Variants in RHAG observed in about 807,000 individuals in gnomAD.
RHAG encodes the protein ammonium transporter Rh type A.
In RHAG, 25 loss-of-function variants were observed where a neutral mutation model predicts 42.4. That is an observed-to-expected ratio of 0.59 (90% CI 0.43 to 0.82). The LOEUF (loss-of-function observed/expected upper bound fraction) is 0.82, where lower values mean the gene tolerates loss of function less well. Among genes scored for constraint, RHAG ranks in the 40% least tolerant of loss-of-function variants. RHAG has a pLI of 0.00. For missense variants in RHAG, 483 were observed against 504.6 expected (o/e 0.96, Z 0.41); for synonymous variants, 182 against 177.7 (o/e 1.02, Z -0.19).
intron 1 of RHAG, among the ~76,000 whole-genome samples, chr6:49,635,492 A>C (rs1201348572): frequency 6.6e-6 from 1 of 152,160 alleles, no homozygotes; most frequent in East Asian, 1.9e-4. Context: ...TGAATGAATG[A>C]AATGTACAAA....
intron 1 of RHAG, among the ~76,000 whole-genome samples, chr6:49,627,694 G>A (rs757306099): frequency 7.2e-5 from 11 of 152,166 alleles, no homozygotes; most frequent in Non-Finnish European, 1.5e-4. Context: ...CCACATGGCT[G>A]GGGAGGCCTC....
intron 2 of RHAG, 103 bp from the exon 3 acceptor site, chr6:49,618,321 C>A: frequency 8.2e-7 from 1 of 1,224,740 alleles, no homozygotes; most frequent in Non-Finnish European, 1.2e-6. Context: ...GCTTCCCAGG[C>A]TTACTCATCA....
chr6:49,624,755 GT>G (rs879474178), intron 1 of RHAG, among the ~76,000 whole-genome samples: 1 of 152,184 alleles, frequency 6.6e-6, no homozygotes, highest in Non-Finnish European at 1.5e-5. Context: ...CATGTAAACT[GT>G]GGTGTACATC....
At chr6:49,613,042 A>G (rs1404011974) in intron 5 of RHAG, among the ~76,000 whole-genome samples, 1 of 151,674 alleles carries the variant, frequency 6.6e-6, no homozygotes, top group African/African-American at 2.4e-5. Flanking sequence ...GATTGAGGAC[A>G]TTTGAGGATG....
chr6:49,629,504 G>A (rs894498051), intron 1 of RHAG, among the ~76,000 whole-genome samples: 41 of 152,222 alleles, frequency 2.7e-4, no homozygotes, highest in African/African-American at 9.9e-4. Flanking sequence ...TCCCGCACCA[G>A]GCATGCAGGT....
intron 1 of RHAG, among the ~76,000 whole-genome samples, chr6:49,630,817 A>G (rs571427910): frequency 7.9e-5 from 12 of 152,342 alleles, no homozygotes; most frequent in Non-Finnish European, 1.6e-4. Context: ...ATGACCTAAC[A>G]TAGAATTATA....
At position 49,618,163 on chromosome 6, in the gene RHAG, G is replaced by C. The variant is rs200507770; in HGVS notation, c.397C>G (p.Leu133Val). ...ATTTGGGTGGGGCTCGTTTTTCCCA[G>C]GACAGCTCCAAAAGATATCAGAACT... ...ATVLISFGAV[L>V]GKTSPTQMLI... Residue 133 changes from leucine to valine, a missense_variant, in exon 3 of 10, where the codon CTG (leucine) becomes GTG (valine). Leu to Val is a conservative substitution (Grantham distance 32, BLOSUM62 1). Coordinates refer to ENST00000371175, the MANE Select transcript of RHAG (RefSeq NM_000324.3). The C allele has an allele frequency of 6.2e-6, 10 of 1,614,054 alleles. No individual in the cohort carries two copies. Among genetic ancestry groups the C allele is most frequent in the African/African-American group, 1.3e-5 (1 of 75,012 alleles).
chr6:49,617,960 G>A, intron 3 of RHAG, 108 bp downstream of exon 3: 1 of 939,522 alleles, frequency 1.1e-6, no homozygotes, highest in African/African-American at 1.6e-5. Flanking sequence ...ATTTGCTACG[G>A]TATCACTCTC....
intron 3 of RHAG, among the ~76,000 whole-genome samples, chr6:49,616,354 C>CAAAAAA (rs34416373): frequency 9.4e-4 from 102 of 108,618 alleles, no homozygotes; most frequent in East Asian, 2.6e-3. Flanking sequence ...AATCTCAAAC[C>CAAAAAA]AAAAAAAAAA....
chr6:49,612,400 C>G lies in RHAG; in HGVS notation c.942G>C (p.Leu314=). The G allele has an allele frequency of 1.9e-6, 3 of 1,614,126 alleles. No homozygotes were observed. Among genetic ancestry groups the G allele is most frequent in the East Asian group, 4.5e-5 (2 of 44,880 alleles). The change falls in exon 6 of 10, where the codon CTG becomes CTC. Residue 314 remains leucine (L), a synonymous_variant. Coordinates refer to ENST00000371175, the MANE Select transcript of RHAG (RefSeq NM_000324.3). ...GMVSVLGYKF[L]TPLFTTKLRI... ...TCAGAACATCTGCTGTACTTACAGT[C>G]AGGAACTTGTATCCAAGCACAGAGA...
chr6:49,605,675 C>A lies in RHAG; in HGVS notation c.*138G>T. 3.6e-6 allele frequency: 3 copies of A among 836,942 alleles called. No individual in the cohort carries two copies. The highest frequency in any genetic ancestry group is 4.2e-6 in the Non-Finnish European group (2 of 476,704). 51.8% of individuals were successfully genotyped at this position (836,942 alleles called of 1,614,324 possible). ...TAGGATCTATTCACTCTGGTCCATA[C>A]TCTCTTTGGTTACTCCCTTTTTGTT... On this transcript the variant is annotated 3_prime_UTR_variant, in exon 10 of 10. Transcript: ENST00000371175.
At chr6:49,609,844 A>G (rs1050988123) in intron 7 of RHAG, among the ~76,000 whole-genome samples, 1 of 152,206 alleles carries the variant, frequency 6.6e-6, no homozygotes, top group Non-Finnish European at 1.5e-5. Flanking sequence ...CCTCTTCTTC[A>G]TGCTTTCAAT....
chr6:49,611,921 T>A (rs1001740519), intron 6 of RHAG, among the ~76,000 whole-genome samples: 48 of 151,886 alleles, frequency 3.2e-4, no homozygotes, highest in Non-Finnish European at 5.7e-4. Flanking sequence ...TTTGTATTTT[T>A]TTTTTTAGTA....
At chr6:49,629,207 T>C (rs1257085766) in intron 1 of RHAG, among the ~76,000 whole-genome samples, 9 of 151,554 alleles carry the variant, frequency 5.9e-5, no homozygotes, top group Non-Finnish European at 1.3e-4. Context: ...GGGTGCTCAT[T>C]GGTGTGTTTA....
chr6:49,632,760 T>A (rs112260056), intron 1 of RHAG, among the ~76,000 whole-genome samples: 4,320 of 152,242 alleles, frequency 0.028, 221 homozygotes, highest in African/African-American at 0.099. Flanking sequence ...CTGGCATCTG[T>A]GGAATCTCTA....
chr6:49,611,429 C>CTATGTA (rs1762567072), intron 6 of RHAG, among the ~76,000 whole-genome samples: 1 of 152,068 alleles, frequency 6.6e-6, no homozygotes, highest in African/African-American at 2.4e-5. Flanking sequence ...AGAATAAATT[C>CTATGTA]TATGTACAGA....
Position 49,607,158 on chromosome 6 carries a change from A to G in RHAG, c.1130T>C (p.Leu377Pro). ...TCACTTTTTATGCTGACCTGTCATC[A>G]GACCTCCAACAACTGCTGTTCCGAT... ...SSIGTAVVGGLMTGLILKLPL... is the reference protein window; with the variant it reads ...SSIGTAVVGGPMTGLILKLPL... Residue 377 changes from leucine to proline, a missense_variant, in exon 8 of 10, where the codon CTG (leucine) becomes CCG (proline). Transcript: ENST00000371175. 6.2e-7 allele frequency: 1 copy of G among 1,613,106 alleles called. No individual in the cohort carries two copies. The highest frequency in any genetic ancestry group is 8.5e-7 in the Non-Finnish European group (1 of 1,179,208).
At chr6:49,621,932 G>T (rs764309581) in intron 1 of RHAG, among the ~76,000 whole-genome samples, 8 of 150,400 alleles carry the variant, frequency 5.3e-5, no homozygotes, top group South Asian at 2.1e-4. Context: ...TAAGGACTCA[G>T]TTTTTTTCAT....
In RHAG at chr6:49,611,056, G is replaced by T; in HGVS notation, c.1035C>A (p.Gly345=). 6.2e-7 allele frequency: 1 copy of T among 1,613,846 alleles called. No homozygotes were observed. Among genetic ancestry groups the T allele is most frequent in the East Asian group, 2.2e-5 (1 of 44,870 alleles). Residue 345 remains glycine, a synonymous_variant, in exon 7 of 10, where the codon GGC becomes GGA. Coordinates refer to ENST00000371175, the MANE Select transcript of RHAG (RefSeq NM_000324.3). ...GLPGVVGGLA[G]IVAVAMGASN... The stretch of plus-strand genomic sequence containing the variant: ...AGGCGCCCATTGCTACTGCCACAAT[G>T]CCTGCAAGGCCTCCCACTACACCAG...
Sources: gnomAD v4.1 joint callset for allele counts (sites outside exome capture counted in the v4.1 genomes callset) on GRCh38, gnomAD v4.1.1 for gene constraint, MANE v1.5 for transcripts, NCBI Gene and HGNC (gene_info 2026-07-23, HGNC 2026-07-21) for gene names.